Variants in PLA2R1 observed in about 807,000 individuals in gnomAD.
PLA2R1 encodes secretory phospholipase A2 receptor.
PLA2R1 carries 158 observed loss-of-function variants against 195.9 expected under a neutral mutation model. The observed-to-expected ratio is 0.81, with a 90% CI of 0.71 to 0.92. PLA2R1 has a LOEUF of 0.92. Among genes scored for constraint, PLA2R1 ranks in the 40% least tolerant of loss-of-function variants. The probability of loss-of-function intolerance (pLI) is 0.00; values close to 1 mark genes in which losing one functional copy is unlikely to be tolerated. For missense variants in PLA2R1, 1,626 were observed against 1,764.6 expected, an observed-to-expected ratio of 0.92 and a Z score of 1.41; for synonymous variants, 586 against 598.2, an observed-to-expected ratio of 0.98 and a Z score of 0.30.
chr2:159,956,900 G>A lies in PLA2R1; in HGVS notation c.2905-273C>T, dbSNP rs79488135. ...GTGAAATGTCAGAACAGTGCCTTCAGCACAATGAAAAGTAGTATTCTTCCT... is the reference window on the plus strand; with the variant it reads ...GTGAAATGTCAGAACAGTGCCTTCAACACAATGAAAAGTAGTATTCTTCCT... On this transcript the variant is annotated intron_variant, in intron 20 of 29. Transcript: ENST00000283243. Among the ~76,000 whole-genome samples the A allele has an allele frequency of 8.4e-3, 1,273 of 151,730 alleles. 12 individuals are homozygous for A. Among genetic ancestry groups the A allele is most frequent in the Non-Finnish European group, 0.013 (891 of 67,962 alleles).
At position 159,964,165 on chromosome 2, in the gene PLA2R1, G is replaced by A. The variant is rs555913903; in HGVS notation, c.2904+3374C>T. Among the ~76,000 whole-genome samples, 39 of 152,274 alleles carry A rather than the reference G, an allele frequency of 2.6e-4. No individual in the cohort carries two copies. In the South Asian group the frequency reaches 7.5e-3, roughly 29 times the overall value. The stretch of plus-strand genomic sequence containing the variant: ...ACAAGGACAAATATTGTATGAGTTC[G>A]CTAATATGAAATATCTAGAATAGGC... On this transcript the variant is annotated intron_variant, in intron 20 of 29. Transcript: ENST00000283243.
At position 160,062,321 on chromosome 2, in the gene PLA2R1, G is replaced by A. The variant is rs768357096; in HGVS notation, c.83C>T (p.Thr28Ile). The A allele has an allele frequency of 1.2e-5, 18 of 1,524,050 alleles. No individual in the cohort carries two copies. In the African/African-American group the frequency reaches 1.4e-4, roughly 12 times the overall value. 94.4% of individuals were successfully genotyped at this position (1,524,050 alleles called of 1,614,324 possible). Residue 28 changes from threonine to isoleucine, a missense_variant, in exon 1 of 30, where the codon ACC becomes ATC. By Grantham distance (89) the Thr-to-Ile change is moderately conservative. Transcript: ENST00000283243. ...CTGCCACTCCAGGAGCCGCTCGGGG[G>A]TAAGCGCCGCCGCCACACCCTCGGC... ...GCAEGVAAAL[T>I]PERLLEWQDK...
intron 25 of PLA2R1, among the ~76,000 whole-genome samples, chr2:159,949,404 T>C (rs1223298431): frequency 6.6e-6 from 1 of 152,194 alleles, no homozygotes; most frequent in Non-Finnish European, 1.5e-5. Flanking sequence ...CAATGCATTC[T>C]TTTTCTTGAT....
intron 5 of PLA2R1, among the ~76,000 whole-genome samples, 160 bp downstream of exon 5, chr2:160,028,690 T>C (rs942630543): frequency 2.6e-5 from 4 of 152,188 alleles, no homozygotes; most frequent in African/African-American, 9.7e-5. Flanking sequence ...TGGTCCCTAT[T>C]TTCTTGTTTG....
At chr2:160,011,753 C>G (rs185988260) in intron 10 of PLA2R1, among the ~76,000 whole-genome samples, 1 of 152,148 alleles carries the variant, frequency 6.6e-6, no homozygotes, top group Non-Finnish European at 1.5e-5. Context: ...GTTCTTGGAA[C>G]CTTTTGGGTG....
intron 7 of PLA2R1, among the ~76,000 whole-genome samples, chr2:160,022,277 T>C (rs896568139): frequency 6.6e-6 from 1 of 151,928 alleles, no homozygotes; most frequent in African/African-American, 2.4e-5. Context: ...CTGGCTAAAA[T>C]TGTTTACATC....
chr2:160,006,353 G>T (rs1264181710), intron 10 of PLA2R1, among the ~76,000 whole-genome samples: 3 of 152,196 alleles, frequency 2.0e-5, no homozygotes, highest in Non-Finnish European at 4.4e-5. Context: ...TCCCAAATCA[G>T]TGTGTTCATA....
intron 18 of PLA2R1, 46 bp downstream of exon 18, chr2:159,970,102 A>G (rs1689056979): frequency 8.0e-7 from 1 of 1,255,052 alleles, no homozygotes; most frequent in Non-Finnish European, 1.2e-6. Context: ...TTCTGCAAAT[A>G]AAACCTGTCA....
At chr2:159,953,115 T>C (rs1687859886) in intron 23 of PLA2R1, among the ~76,000 whole-genome samples, 1 of 152,240 alleles carries the variant, frequency 6.6e-6, no homozygotes, top group African/African-American at 2.4e-5. Flanking sequence ...TTGACTGTTT[T>C]TTCCCCACTG....
chr2:159,949,611 G>T lies in PLA2R1; in HGVS notation c.3706C>A (p.Pro1236Thr), dbSNP rs774312127. 6.2e-7 allele frequency: 1 copy of T among 1,611,994 alleles called. No homozygotes were observed. The highest frequency in any genetic ancestry group is 2.2e-5 in the East Asian group (1 of 44,866). The change falls in exon 25 of 30, where the codon CCT becomes ACT. Residue 1236 changes from proline to threonine, a missense_variant. Transcript: ENST00000283243. ...AGTTGAATAGAATTGAACCTACCAG[G>T]TGGCACATGACAAATGGCACCTTGC... ...FLQGAICHVP[P>T]ETRQSEHPEL...
intron 17 of PLA2R1, among the ~76,000 whole-genome samples, chr2:159,974,951 G>T (rs1689443625): frequency 6.6e-6 from 1 of 152,116 alleles, no homozygotes; most frequent in Admixed American, 6.5e-5. Flanking sequence ...TCATTTTATA[G>T]TCAACTTACA....
intron 1 of PLA2R1, among the ~76,000 whole-genome samples, chr2:160,055,273 G>A (rs2105694480): frequency 6.6e-6 from 1 of 152,302 alleles, no homozygotes; most frequent in East Asian, 1.9e-4. Flanking sequence ...TGCGAGGGAT[G>A]ACAAACAGAA....
At position 160,039,949 on chromosome 2, in the gene PLA2R1, G is replaced by GTT. The variant is rs35316873; in HGVS notation, c.667+2074_667+2075dup. ...TCAGAACCTTAAGAAGAATATTGTA[G>GTT]TTTTTTTTTTGAAGTCCCTAGTATT... On this transcript the variant is annotated intron_variant, in intron 3 of 29. Transcript: ENST00000283243. 8.3e-3 allele frequency among the ~76,000 whole-genome samples: 1,235 copies of GTT among 149,424 alleles called. 23 individuals carry two copies. Among genetic ancestry groups the GTT allele is most frequent in the African/African-American group, 0.028 (1,156 of 40,784 alleles).
the PLA2R1 span, among the ~76,000 whole-genome samples, chr2:159,925,197 AC>A: frequency 1.0e-5 from 1 of 98,406 alleles, no homozygotes; most frequent in Admixed American, 9.6e-5. Flanking sequence ...ATAAAAAAAA[AC>A]AAACAAACAA....
intron 1 of PLA2R1, among the ~76,000 whole-genome samples, chr2:160,048,897 G>A (rs1695050622): frequency 6.9e-6 from 1 of 144,488 alleles, no homozygotes; most frequent in Non-Finnish European, 1.5e-5. Flanking sequence ...CTGGAGTGCA[G>A]TGGCGGGATC....
intron 11 of PLA2R1, among the ~76,000 whole-genome samples, chr2:159,994,624 T>C (rs560340276): frequency 2.0e-5 from 3 of 152,176 alleles, no homozygotes; most frequent in Admixed American, 6.6e-5. Flanking sequence ...CAATATGATG[T>C]TGAGGATTTG....
intron 1 of PLA2R1, among the ~76,000 whole-genome samples, chr2:160,061,582 TG>T (rs1002834271): frequency 6.6e-6 from 1 of 152,092 alleles, no homozygotes; most frequent in African/African-American, 2.4e-5. Flanking sequence ...GAGACCAGCC[TG>T]GGCAACATGG....
Position 160,027,920 on chromosome 2 carries a change from G to C in PLA2R1, c.1099+298C>G, listed in dbSNP as rs10208140. 5.4e-4 allele frequency among the ~76,000 whole-genome samples: 82 copies of C among 152,114 alleles called. No individual in the cohort carries two copies. The South Asian group carries it at 0.016, about 30-fold the overall frequency. On this transcript the variant is annotated intron_variant, in intron 6 of 29. Transcript: ENST00000283243. ...TAAACTCAAAACTAGAATAGAAAAA[G>C]AAATGTATCTTATTTCTCTAATACA...
At position 159,970,302 on chromosome 2, in the gene PLA2R1, T is replaced by C. The variant is rs191133996; in HGVS notation, c.2596-90A>G. 1.6e-5 allele frequency: 13 copies of C among 789,612 alleles called. No homozygotes were observed. In the African/African-American group the frequency reaches 1.9e-4, roughly 12 times the overall value. 48.9% of individuals were successfully genotyped at this position (789,612 alleles called of 1,614,324 possible). A position where few individuals can be genotyped will look rare whatever the true frequency, so the allele number is the denominator to read the frequency against. Reference sequence around the variant, plus strand: ...GGGGTTGCTGCTAATAGCTTTCTATTCTTCAGTATTTTACCCAATTATCTA... The same window carrying C: ...GGGGTTGCTGCTAATAGCTTTCTATCCTTCAGTATTTTACCCAATTATCTA... On this transcript the variant is annotated intron_variant, in intron 17 of 29. Coordinates refer to ENST00000283243, the MANE Select transcript of PLA2R1 (RefSeq NM_007366.5).
Sources: allele counts gnomAD v4.1 joint callset (sites outside exome capture counted in the v4.1 genomes callset), GRCh38; gene constraint gnomAD v4.1.1; transcripts MANE v1.5; gene names NCBI Gene and HGNC (gene_info 2026-07-23, HGNC 2026-07-21).